Variants in SCRN3 observed in about 807,000 individuals in gnomAD.
The protein encoded by SCRN3 is secernin 3.
A neutral mutation model predicts 43.1 loss-of-function variants in SCRN3; 39 were observed. That is an observed-to-expected ratio of 0.91 (90% CI 0.70 to 1.18). The LOEUF is 1.18. Ranked by LOEUF, SCRN3 falls within the 50% of genes most tolerant of loss-of-function variation. The pLI, the probability that SCRN3 is intolerant of heterozygous loss-of-function variation, is 0.00. For synonymous variants in SCRN3, 147 were observed against 163.1 expected (o/e 0.90, Z 0.75); for missense variants, 484 against 498.0 (o/e 0.97, Z 0.27).
intron 7 of SCRN3, among the ~76,000 whole-genome samples, chr2:174,425,933 A>T (rs974750909): frequency 6.6e-6 from 1 of 152,124 alleles, no homozygotes; most frequent in African/African-American, 2.4e-5. Flanking sequence ...ATTGGTCATG[A>T]GTATTTTATT....
chr2:174,416,784 C>A (rs941049644), intron 5 of SCRN3, among the ~76,000 whole-genome samples: 1 of 152,154 alleles, frequency 6.6e-6, no homozygotes. Flanking sequence ...GATCTTTTTA[C>A]GTGAAGTTAT....
At position 174,398,261 on chromosome 2, in the gene SCRN3, T is replaced by TC; in HGVS notation, c.-9-14_-9-13insC. On this transcript the variant is annotated splice_polypyrimidine_tract_variant and intron_variant, in intron 1 of 7. Coordinates refer to ENST00000272732, the MANE Select transcript of SCRN3 (RefSeq NM_024583.5). ...AGTGTTCTTTTTATTTTAAAACATCTGTATAATTTTTAGTTAAAAAAAATG... is the reference window on the plus strand; with the variant it reads ...AGTGTTCTTTTTATTTTAAAACATCTCGTATAATTTTTAGTTAAAAAAAATG... 6.7e-7 allele frequency: 1 copy of TC among 1,499,120 alleles called. No homozygotes were observed. The highest frequency in any genetic ancestry group is 9.0e-7 in the Non-Finnish European group (1 of 1,112,574). 92.9% of individuals were successfully genotyped at this position (1,499,120 alleles called of 1,614,324 possible).
intron 5 of SCRN3, among the ~76,000 whole-genome samples, chr2:174,414,905 A>G (rs529737339): frequency 1.3e-5 from 2 of 152,024 alleles, no homozygotes; most frequent in Non-Finnish European, 2.9e-5. Flanking sequence ...CTGGGATTAC[A>G]GGTGCCTGCC....
rs925411083 is a variant in SCRN3 at position 174,428,834 on chromosome 2, A to G, written c.*939A>G. 1.3e-4 allele frequency: 20 copies of G among 152,342 alleles called. No homozygotes were observed. The highest frequency in any genetic ancestry group is 4.6e-4 in the African/African-American group (19 of 41,584). The allele number at this position is 152,342 out of a possible 1,614,324, so 9.4% of individuals were successfully genotyped here. A position where few individuals can be genotyped will look rare whatever the true frequency, so the allele number is the denominator to read the frequency against. ...ACATTGTTTAGGTTACATAAAGATT[A>G]CCAAGTAAGACTCAAAATTGCAAAT... On this transcript the variant is annotated 3_prime_UTR_variant, in exon 8 of 8. Transcript: ENST00000272732.
At chr2:174,422,603 G>A (rs1237080649) in intron 5 of SCRN3, among the ~76,000 whole-genome samples, 2 of 151,398 alleles carry the variant, frequency 1.3e-5, no homozygotes, top group Non-Finnish European at 2.9e-5. Flanking sequence ...TAAGGGCAAT[G>A]GGATTGAATA....
Position 174,405,657 on chromosome 2 carries a change from G to C in SCRN3, c.754+1342G>C, listed in dbSNP as rs942628244. Reference sequence around the variant, plus strand: ...GTATAAGGTGTAAGGGAGGGATCCAGTTTCAGCTTCCTACATATGGCTAGC... The same window carrying C: ...GTATAAGGTGTAAGGGAGGGATCCACTTTCAGCTTCCTACATATGGCTAGC... On this transcript the variant is annotated intron_variant, in intron 5 of 7. Coordinates refer to ENST00000272732, the MANE Select transcript of SCRN3 (RefSeq NM_024583.5). Among the ~76,000 whole-genome samples the C allele has an allele frequency of 3.4e-5, 5 of 145,760 alleles. No individual in the cohort carries two copies. The South Asian group carries it at 1.1e-3, about 31-fold the overall frequency.
At chr2:174,421,195 C>A (rs1686282005) in intron 5 of SCRN3, among the ~76,000 whole-genome samples, 1 of 152,068 alleles carries the variant, frequency 6.6e-6, no homozygotes, top group Non-Finnish European at 1.5e-5. Flanking sequence ...AGATAAACTA[C>A]TAATTTAGAA....
At chr2:174,408,634 G>A (rs1383556689) in intron 5 of SCRN3, among the ~76,000 whole-genome samples, 5 of 140,708 alleles carry the variant, frequency 3.6e-5, no homozygotes, top group Non-Finnish European at 7.9e-5. Flanking sequence ...TCCTTCAGGA[G>A]CTCTTTTAGG....
At chr2:174,396,077 G>A in intron 1 of SCRN3, 1 of 1,175,666 alleles carries the variant, frequency 8.5e-7, no homozygotes, top group Non-Finnish European at 1.1e-6. Context: ...TCTATGTTAT[G>A]AAGATAATAA....
chr2:174,398,399 A>G lies in SCRN3; in HGVS notation c.116A>G (p.Tyr39Cys). The G allele has an allele frequency of 6.2e-7, 1 of 1,603,796 alleles. No homozygotes were observed. The highest frequency in any genetic ancestry group is 8.5e-7 in the Non-Finnish European group (1 of 1,177,094). ...RLYDEVQEVV[Y>C]FPAVVHDNLG... ...TATGATGAAGTACAAGAGGTGGTTTATTTTCCTGCTGTAGTTCATGATAAC... is the reference window on the plus strand; with the variant it reads ...TATGATGAAGTACAAGAGGTGGTTTGTTTTCCTGCTGTAGTTCATGATAAC... Residue 39 changes from tyrosine to cysteine, a missense_variant, in exon 2 of 8, where the codon TAT becomes TGT. Coordinates refer to ENST00000272732, the MANE Select transcript of SCRN3 (RefSeq NM_024583.5).
At chr2:174,412,028 T>C (rs1685936974) in intron 5 of SCRN3, among the ~76,000 whole-genome samples, 1 of 152,200 alleles carries the variant, frequency 6.6e-6, no homozygotes, top group South Asian at 2.1e-4. Flanking sequence ...AACTCTACTC[T>C]GTCTCTCTCT....
intron 7 of SCRN3, among the ~76,000 whole-genome samples, chr2:174,426,660 T>C (rs920666105): frequency 2.4e-4 from 37 of 151,704 alleles, no homozygotes; most frequent in Admixed American, 6.6e-5. Flanking sequence ...TAATACCAAC[T>C]ACTCGGGAGG....
intron 7 of SCRN3, 80 bp downstream of exon 7, chr2:174,424,729 C>A: frequency 9.7e-7 from 1 of 1,027,916 alleles, no homozygotes; most frequent in Non-Finnish European, 1.4e-6. Flanking sequence ...GGAGTATCAG[C>A]TTTCCTCCCT....
At chr2:174,403,580 C>G (rs910546624) in intron 4 of SCRN3, among the ~76,000 whole-genome samples, 1 of 152,012 alleles carries the variant, frequency 6.6e-6, no homozygotes, top group African/African-American at 2.4e-5. Flanking sequence ...GAATCTTTAG[C>G]GAATTGTGCT....
rs59353951 is a variant in SCRN3, at chr2:174,399,899, CTTTTTT to C, written c.160-10_160-5del. The C allele has an allele frequency of 5.9e-4, 684 of 1,152,246 alleles. No individual in the cohort carries two copies. Among genetic ancestry groups the C allele is most frequent in the South Asian group, 9.8e-4 (29 of 29,454 alleles). 71.4% of individuals were successfully genotyped at this position (1,152,246 alleles called of 1,614,324 possible). On this transcript the variant is annotated splice_polypyrimidine_tract_variant and intron_variant, in intron 2 of 7. Coordinates refer to ENST00000272732, the MANE Select transcript of SCRN3 (RefSeq NM_024583.5). ...TCTGGTTTTGTGGTTCTTGCTATGACTTTTTTTTTTTTTTTTTTACAGTGTACATAT... is the reference window on the plus strand; with the variant it reads ...TCTGGTTTTGTGGTTCTTGCTATGACTTTTTTTTTTTTACAGTGTACATAT...
downstream of SCRN3, among the ~76,000 whole-genome samples, chr2:174,429,910 T>C (rs1686600881): frequency 6.6e-6 from 1 of 152,200 alleles, no homozygotes; most frequent in African/African-American, 2.4e-5. Flanking sequence ...TTAACTTACT[T>C]AGTAATATCC....
At chr2:174,412,679 A>T (rs542941375) in intron 5 of SCRN3, among the ~76,000 whole-genome samples, 12 of 152,230 alleles carry the variant, frequency 7.9e-5, no homozygotes, top group African/African-American at 2.4e-4. Flanking sequence ...GATCCCTGGA[A>T]GCCAGAATGT....
At chr2:174,416,932 A>G (rs1254834761) in intron 5 of SCRN3, among the ~76,000 whole-genome samples, 4 of 152,240 alleles carry the variant, frequency 2.6e-5, no homozygotes, top group African/African-American at 9.6e-5. Context: ...GAATGCCTTT[A>G]CATTATTGTT....
chr2:174,427,868 AAATTTATCAGTC>A lies in SCRN3; in HGVS notation c.1251_1262del (p.Asn417_Val420del). The A allele has an allele frequency of 1.3e-6, 2 of 1,583,978 alleles. No individual in the cohort carries two copies. The highest frequency in any genetic ancestry group is 2.2e-5 in the East Asian group (1 of 44,548). ...AAGATGAAATTCAAATTTATCAGTC[AAATTTATCAGTC>A]AAAGTTAGTTCTTAGTGATCATATG... On this transcript the variant is annotated inframe_deletion, in exon 8 of 8. Transcript: ENST00000272732.
Sources: allele counts gnomAD v4.1 joint callset (sites outside exome capture counted in the v4.1 genomes callset), GRCh38; gene constraint gnomAD v4.1.1; transcripts MANE v1.5; gene names NCBI Gene and HGNC (gene_info 2026-07-23, HGNC 2026-07-21).